The following NEK7 variants were observed in gnomAD, a reference collection of about 807,000 sequenced individuals.
NEK7 encodes NIMA related kinase 7.
In NEK7, 18 loss-of-function variants were observed where a neutral mutation model predicts 44.6. The observed-to-expected ratio is 0.40, with a 90% CI of 0.28 to 0.60. The LOEUF is 0.60. Ranked by LOEUF, NEK7 falls within the 20% of genes least tolerant of loss-of-function variation. NEK7 has a pLI of 0.38. For synonymous variants in NEK7, 130 were observed against 121.1 expected (o/e 1.07, Z -0.48); for missense variants, 256 against 366.5 (o/e 0.70, Z 2.46).
intron 1 of NEK7, among the ~76,000 whole-genome samples, chr1:198,225,259 A>G (rs1666182709): frequency 6.6e-6 from 1 of 151,724 alleles, no homozygotes; most frequent in South Asian, 2.1e-4. Flanking sequence ...AGGTTACAAA[A>G]AAAAAAAAAA....
intron 1 of NEK7, among the ~76,000 whole-genome samples, chr1:198,222,660 C>T (rs1666103768): frequency 6.6e-6 from 1 of 152,178 alleles, no homozygotes; most frequent in Non-Finnish European, 1.5e-5. Flanking sequence ...CCTCTATTCT[C>T]CATTTCCTTT....
intron 9 of NEK7, among the ~76,000 whole-genome samples, chr1:198,305,816 A>G (rs1655008191): frequency 6.6e-6 from 1 of 152,158 alleles, no homozygotes; most frequent in Non-Finnish European, 1.5e-5. Flanking sequence ...AGGCAGATCC[A>G]TTAATTTTAG....
chr1:198,271,475 A>C (rs575389446), intron 5 of NEK7, among the ~76,000 whole-genome samples: 1 of 152,040 alleles, frequency 6.6e-6, no homozygotes, highest in Non-Finnish European at 1.5e-5. Context: ...TCTTGTTCAC[A>C]TACTTGGTTT....
At position 198,297,098 on chromosome 1, in the gene NEK7, A is replaced by G. The variant is rs899107090; in HGVS notation, c.685-29A>G. On this transcript the variant is annotated intron_variant, in intron 8 of 9. Transcript: ENST00000367385. ...TCACCTTTTAAGTTACCATCTAACT[A>G]TATCAGTTTCATTGGGGGCATTTTA... 8.0e-6 allele frequency: 11 copies of G among 1,375,196 alleles called. No homozygotes were observed. The African/African-American group carries it at 8.6e-5, about 11-fold the overall frequency. The allele number at this position is 1,375,196 out of a possible 1,614,324, so 85.2% of individuals were successfully genotyped here. A position where few individuals can be genotyped will look rare whatever the true frequency, so the allele number is the denominator to read the frequency against.
At position 198,174,728 on chromosome 1, in the gene NEK7, A is replaced by G. The variant is rs1664555226; in HGVS notation, c.-29+17452A>G. 3.3e-5 allele frequency among the ~76,000 whole-genome samples: 5 copies of G among 151,868 alleles called. No individual in the cohort carries two copies. In the South Asian group the frequency reaches 6.2e-4, roughly 19 times the overall value. On this transcript the variant is annotated intron_variant, in intron 1 of 9. Coordinates refer to ENST00000367385, the MANE Select transcript of NEK7 (RefSeq NM_133494.3). ...CATCAAGAGGAATAATGGATAGGAAAGCATTGTGTTTTTTTTTGTTTTTGT... is the reference window on the plus strand; with the variant it reads ...CATCAAGAGGAATAATGGATAGGAAGGCATTGTGTTTTTTTTTGTTTTTGT...
chr1:198,230,321 A>G (rs192874479), intron 1 of NEK7, among the ~76,000 whole-genome samples: 1 of 152,182 alleles, frequency 6.6e-6, no homozygotes. Context: ...CTGCATAAAC[A>G]TGATTATTTA....
At chr1:198,218,505 A>G (rs955498649) in intron 1 of NEK7, among the ~76,000 whole-genome samples, 1 of 151,714 alleles carries the variant, frequency 6.6e-6, no homozygotes, top group African/African-American at 2.4e-5. Context: ...CTGGACATTG[A>G]TCTAGGTAAA....
At chr1:198,167,372 A>G (rs1664298418) in intron 1 of NEK7, among the ~76,000 whole-genome samples, 1 of 152,208 alleles carries the variant, frequency 6.6e-6, no homozygotes. Flanking sequence ...TCTTAACAGC[A>G]GATTTTAAGA....
At chr1:198,211,914 C>T (rs1665784276) in intron 1 of NEK7, among the ~76,000 whole-genome samples, 1 of 152,332 alleles carries the variant, frequency 6.6e-6, no homozygotes, top group East Asian at 1.9e-4. Flanking sequence ...GGAAAACTGT[C>T]TTCAGACGGT....
At chr1:198,312,160 G>T (rs1316597609) in intron 9 of NEK7, among the ~76,000 whole-genome samples, 1 of 152,104 alleles carries the variant, frequency 6.6e-6, no homozygotes, top group East Asian at 1.9e-4. Context: ...TCCTGGTTTA[G>T]TCTTGGGAGA....
intron 1 of NEK7, among the ~76,000 whole-genome samples, chr1:198,209,185 G>A (rs1665694558): frequency 7.0e-6 from 1 of 142,970 alleles, no homozygotes. Context: ...ACTCTCCTCA[G>A]AAGGAGCGCT....
At chr1:198,211,997 GC>G (rs1665787824) in intron 1 of NEK7, among the ~76,000 whole-genome samples, 1 of 152,236 alleles carries the variant, frequency 6.6e-6, no homozygotes, top group South Asian at 2.1e-4. Context: ...CAGTCCTGGA[GC>G]TGATGAACTG....
intron 7 of NEK7, among the ~76,000 whole-genome samples, chr1:198,284,242 T>C (rs1271611562): frequency 6.6e-6 from 1 of 152,204 alleles, no homozygotes; most frequent in Admixed American, 6.5e-5. Flanking sequence ...TAGTCTGGGT[T>C]TACTCTAGCA....
At chr1:198,191,101 C>T (rs1248434799) in intron 1 of NEK7, among the ~76,000 whole-genome samples, 1 of 151,958 alleles carries the variant, frequency 6.6e-6, no homozygotes, top group Non-Finnish European at 1.5e-5. Flanking sequence ...GGGTCCTAGG[C>T]CTTTAATCCC....
chr1:198,206,372 T>G (rs1443027299), intron 1 of NEK7, among the ~76,000 whole-genome samples: 1 of 152,150 alleles, frequency 6.6e-6, no homozygotes, highest in Admixed American at 6.5e-5. Context: ...GATTAAAGAT[T>G]CTGTTTTATG....
intron 5 of NEK7, among the ~76,000 whole-genome samples, chr1:198,266,214 C>T (rs1653647744): frequency 6.6e-6 from 1 of 152,010 alleles, no homozygotes; most frequent in African/African-American, 2.4e-5. Flanking sequence ...TTATCTACAT[C>T]AATACAACTA....
chr1:198,169,590 GTT>G (rs34108311), intron 1 of NEK7, among the ~76,000 whole-genome samples: 87 of 122,964 alleles, frequency 7.1e-4, no homozygotes, highest in Non-Finnish European at 1.1e-3. Context: ...AACTTACTGG[GTT>G]TTTTTTTTTT....
chr1:198,213,552 C>T (rs1050985108), intron 1 of NEK7, among the ~76,000 whole-genome samples: 4 of 152,286 alleles, frequency 2.6e-5, no homozygotes, highest in Non-Finnish European at 4.4e-5. Context: ...GCACTCTCCT[C>T]GTTCAGGCTT....
chr1:198,194,177 G>A (rs182209375), intron 1 of NEK7, among the ~76,000 whole-genome samples: 23 of 152,146 alleles, frequency 1.5e-4, no homozygotes, highest in Admixed American at 1.2e-3. Flanking sequence ...TTGGAAATCC[G>A]GATGGAGATG....
Sources: gnomAD v4.1 joint callset for allele counts (sites outside exome capture counted in the v4.1 genomes callset) on GRCh38, gnomAD v4.1.1 for gene constraint, MANE v1.5 for transcripts, NCBI Gene and HGNC (gene_info 2026-07-23, HGNC 2026-07-21) for gene names.